Variants in SLX4 observed in about 807,000 individuals in gnomAD.
SLX4 encodes SLX4 structure-specific endonuclease subunit.
Under a neutral mutation model 146.2 loss-of-function variants are expected in SLX4, and 112 were observed. The observed-to-expected ratio is 0.77, with a 90% confidence interval of 0.66 to 0.90. The LOEUF is 0.90. Ranked by LOEUF, SLX4 falls within the 40% of genes least tolerant of loss-of-function variation. The probability of loss-of-function intolerance (pLI) is 0.00; values close to 1 mark genes in which losing one functional copy is unlikely to be tolerated. For missense variants in SLX4, 2,563 were observed against 2,392.7 expected (o/e 1.07, Z -1.49); for synonymous variants, 1,061 against 997.7 (o/e 1.06, Z -1.20).
At chr16:3,604,598 A>G (rs1989387) in intron 3 of SLX4, among the ~76,000 whole-genome samples, 66,470 of 151,864 alleles carry the variant, frequency 0.44, 18,057 homozygotes, top group African/African-American at 0.78. Context: ...TGAGGTGGAC[A>G]GATCACAAGG....
In SLX4 at chr16:3,584,814, T is replaced by TG. The variant is rs767572643; in HGVS notation, c.4693dup (p.Gln1565ProfsTer16). 6 of 1,614,060 alleles carry TG rather than the reference T, an allele frequency of 3.7e-6. No homozygotes were observed. The East Asian group carries it at 1.3e-4, about 36-fold the overall frequency. On this transcript the variant is annotated frameshift_variant, in exon 13 of 15. Coordinates refer to ENST00000294008, the MANE Select transcript of SLX4 (RefSeq NM_032444.4). LOFTEE classifies it high-confidence loss of function. ...CACCGGCGTCTCCATAATGGAATACTGTGGCATCGGCGTTATGGGCACTTT... is the reference window on the plus strand; with the variant it reads ...CACCGGCGTCTCCATAATGGAATACTGGTGGCATCGGCGTTATGGGCACTTT...
At position 3,582,571 on chromosome 16, in the gene SLX4, T is replaced by C. The variant is rs1567165913; in HGVS notation, c.5276A>G (p.Tyr1759Cys). Reference protein sequence around the residue: ...AADTDEALRCYIRSKPALYQK... With the variant: ...AADTDEALRCCIRSKPALYQK... ...GTACAGGGCCGGCTTGGAGCGGATG[T>C]AGCACCTCAGCGCCTCGTCTGTGTC... Residue 1759 changes from tyrosine to cysteine, a missense_variant, in exon 15 of 15, where the codon TAC (tyrosine) becomes TGC (cysteine). Coordinates refer to ENST00000294008, the MANE Select transcript of SLX4 (RefSeq NM_032444.4). 6.2e-7 allele frequency: 1 copy of C among 1,613,772 alleles called. No homozygotes were observed. Among genetic ancestry groups the C allele is most frequent in the Non-Finnish European group, 8.5e-7 (1 of 1,180,034 alleles).
At chr16:3,586,968 T>C (rs1361183809) in intron 12 of SLX4, among the ~76,000 whole-genome samples, 1 of 152,180 alleles carries the variant, frequency 6.6e-6, no homozygotes, top group Non-Finnish European at 1.5e-5. Flanking sequence ...ATATGAAATG[T>C]CCAGGACAGG....
chr16:3,593,130 G>T (rs2040612187), intron 10 of SLX4, among the ~76,000 whole-genome samples: 1 of 152,102 alleles, frequency 6.6e-6, no homozygotes, highest in Non-Finnish European at 1.5e-5. Context: ...GAGTGCAGTG[G>T]TGAGATCTCG....
chr16:3,601,937 G>A, intron 4 of SLX4, 181 bp downstream of exon 4: 1 of 667,308 alleles, frequency 1.5e-6, no homozygotes, highest in South Asian at 1.8e-5. Flanking sequence ...CAGTTTAAAT[G>A]GGTGAACTAT....
In SLX4 at chr16:3,582,402, C is replaced by T. The variant is rs199998573; in HGVS notation, c.5445G>A (p.Arg1815=). 9 of 1,613,816 alleles carry T rather than the reference C, an allele frequency of 5.6e-6. No individual in the cohort carries two copies. The South Asian group carries it at 9.9e-5, about 18-fold the overall frequency. ...CITFTTAATR[R]EKLQGRRRQP... ...GCCGCCTCCTGCCCTGGAGCTTCTC[C>T]CTGCGGGTGGCGGCAGTGGTGAAGG... The change falls in exon 15 of 15, where the codon AGG becomes AGA. Residue 1815 remains arginine (R), a synonymous_variant. Transcript: ENST00000294008.
intron 5 of SLX4, among the ~76,000 whole-genome samples, chr16:3,598,856 C>T (rs2040696777): frequency 6.6e-6 from 1 of 152,152 alleles, no homozygotes; most frequent in South Asian, 2.1e-4. Flanking sequence ...AGACTGTGTT[C>T]CCTCCTCACT....
chr16:3,589,336 C>T lies in SLX4; in HGVS notation c.4302G>A (p.Ser1434=), dbSNP rs768311081. 5.7e-6 allele frequency: 9 copies of T among 1,577,548 alleles called. No individual in the cohort carries two copies. Among genetic ancestry groups the T allele is most frequent in the South Asian group, 1.2e-5 (1 of 85,724 alleles). ...DDCCWHMEPL[S]PIPIDHWNLE... is the part of the protein sequence containing the mutation. The stretch of plus-strand genomic sequence containing the variant: ...GGTTCCAGTGGTCAATGGGAATTGG[C>T]GAGAGGGGCTCCATGTGCCAGCAGC... The change falls in exon 12 of 15, where the codon TCG becomes TCA. Residue 1434 remains serine, a synonymous_variant. Transcript: ENST00000294008. This position sits in a 1 kb window ranked among gnomAD's most constrained non-coding sequence, Gnocchi z 6.2.
rs1159059195 is a variant in SLX4 at position 3,583,453 on chromosome 16, G to C, written c.4797C>G (p.Phe1599Leu). Reference sequence around the variant, plus strand: ...AGTCCAGGGTCTGGTGAGTGTACTGGAATATCTCCTTCAGCTTCAGAACCA... The same window carrying C: ...AGTCCAGGGTCTGGTGAGTGTACTGCAATATCTCCTTCAGCTTCAGAACCA... ...RQMVLKLKEI[F>L]QYTHQTLDSD... is the part of the protein sequence containing the mutation. The change falls in exon 14 of 15, where the codon TTC (phenylalanine) becomes TTG (leucine). Residue 1599 changes from phenylalanine to leucine, a missense_variant. Phe to Leu is a conservative substitution (Grantham distance 22). Transcript: ENST00000294008. 2 of 1,614,174 alleles carry C rather than the reference G, an allele frequency of 1.2e-6. No individual in the cohort carries two copies. The highest frequency in any genetic ancestry group is 1.3e-5 in the African/African-American group (1 of 75,026).
intron 13 of SLX4, among the ~76,000 whole-genome samples, chr16:3,584,219 G>A (rs1404019360): frequency 2.6e-5 from 4 of 151,908 alleles, no homozygotes; most frequent in Non-Finnish European, 5.9e-5. Flanking sequence ...TCAGGAGTTC[G>A]AGACCAGCCT....
In SLX4 at chr16:3,592,879, G is replaced by T; in HGVS notation, c.2161-14C>A. ...TTCATTGTTCACCTGCAGGTGAAAT[G>T]CAACACAGAGGGTTTACTGATCAGA... On this transcript the variant is annotated splice_polypyrimidine_tract_variant and intron_variant, in intron 10 of 14. Coordinates refer to ENST00000294008, the MANE Select transcript of SLX4 (RefSeq NM_032444.4). 6.2e-7 allele frequency: 1 copy of T among 1,606,668 alleles called. No individual in the cohort carries two copies. The highest frequency in any genetic ancestry group is 8.5e-7 in the Non-Finnish European group (1 of 1,176,486).
intron 12 of SLX4, among the ~76,000 whole-genome samples, chr16:3,587,986 C>A (rs1481652029): frequency 6.6e-6 from 1 of 152,144 alleles, no homozygotes; most frequent in Non-Finnish European, 1.5e-5. Context: ...TCCCCGGGGA[C>A]TGAAATGAGC....
At chr16:3,596,479 G>A in intron 7 of SLX4, 86 bp from the exon 8 acceptor site, 1 of 1,444,962 alleles carries the variant, frequency 6.9e-7, no homozygotes, top group South Asian at 1.4e-5. Context: ...GGTATGCACG[G>A]CTGGACCTAA....
In SLX4 at chr16:3,606,501, G is replaced by C. The variant is rs768032693; in HGVS notation, c.733C>G (p.Pro245Ala). The C allele has an allele frequency of 6.2e-7, 1 of 1,614,188 alleles. No homozygotes were observed. The highest frequency in any genetic ancestry group is 8.5e-7 in the Non-Finnish European group (1 of 1,180,054). The change falls in exon 3 of 15, where the codon CCT (proline) becomes GCT (alanine). Residue 245 changes from proline (P) to alanine (A), a missense_variant. By Grantham distance (27) the Pro-to-Ala change is conservative (BLOSUM62 -1). Transcript: ENST00000294008. ...AAREENVPKD[P>A]QEEMMAGNVY... ...TTCCCCGCCATCATCTCCTCTTGAG[G>C]ATCCTTTGGGACATTTTCTTCCCGC... is the stretch of plus-strand genomic sequence containing the variant.
chr16:3,585,510 T>C (rs1352700718), intron 12 of SLX4, among the ~76,000 whole-genome samples: 6 of 141,672 alleles, frequency 4.2e-5, no homozygotes, highest in Admixed American at 7.6e-5. Flanking sequence ...GGCGTGAACC[T>C]GGGAGGCGGA....
rs202189103 is a variant in SLX4, at chr16:3,592,832, C to G, written c.2194G>C (p.Gly732Arg). The G allele has an allele frequency of 6.2e-7, 1 of 1,612,130 alleles. No individual in the cohort carries two copies. Among genetic ancestry groups the G allele is most frequent in the African/African-American group, 1.3e-5 (1 of 74,874 alleles). The change falls in exon 11 of 15, where the codon GGG becomes CGG. Residue 732 changes from glycine (G) to arginine (R), a missense_variant. Transcript: ENST00000294008. ...AGCAGGACACGCTGGGTCAGAACCC[C>G]GTCCTCTACAGCGGAGAAGCCTTCA... ...NNEGFSAVED[G>R]VLTQRVLLGD...
intron 3 of SLX4, among the ~76,000 whole-genome samples, chr16:3,604,268 G>T (rs961213352): frequency 2.0e-5 from 3 of 151,462 alleles, no homozygotes; most frequent in Admixed American, 1.3e-4. Flanking sequence ...GGAAATGGGG[G>T]ACTATTCTAG....
At chr16:3,591,381 G>A in intron 11 of SLX4, 71 bp from the exon 12 acceptor site, 1 of 1,589,492 alleles carries the variant, frequency 6.3e-7, no homozygotes, top group Non-Finnish European at 8.5e-7. Context: ...CGGTGGGGTG[G>A]CGGACCAGAG....
chr16:3,596,171 C>G lies in SLX4; in HGVS notation c.1906G>C (p.Gly636Arg), dbSNP rs1467991910. ...ATCTCACCTGCAGTCCCTTCCGAGC[C>G]AGCCAGGCCCCCACTGCCGGGCCAC... is the stretch of plus-strand genomic sequence containing the variant. ...SPWPGSGGLA[G>R]SEGTAGLDVV... The change falls in exon 8 of 15, where the codon GGC becomes CGC. Residue 636 changes from glycine (G) to arginine (R), a missense_variant. By Grantham distance (125) the Gly-to-Arg change is moderately radical. Coordinates refer to ENST00000294008, the MANE Select transcript of SLX4 (RefSeq NM_032444.4). 8 of 1,551,946 alleles carry G rather than the reference C, an allele frequency of 5.2e-6. No homozygotes were observed. Among genetic ancestry groups the G allele is most frequent in the Non-Finnish European group, 7.0e-6 (8 of 1,150,360 alleles).
Sources: allele counts gnomAD v4.1 joint callset (sites outside exome capture counted in the v4.1 genomes callset), GRCh38; gene constraint gnomAD v4.1.1; non-coding constraint Gnocchi (gnomAD v3.1); transcripts MANE v1.5; gene names NCBI Gene and HGNC (gene_info 2026-07-23, HGNC 2026-07-21).